The following MACROD2 variants were observed in gnomAD, a reference collection of about 807,000 sequenced individuals.
MACROD2 encodes mono-ADP ribosylhydrolase 2, also known as ADP-ribose glycohydrolase MACROD2.
In MACROD2, 36 loss-of-function variants were observed where a neutral mutation model predicts 70.4. The observed-to-expected ratio is 0.51, with a 90% CI of 0.39 to 0.68. MACROD2 has a LOEUF of 0.68. Ranked by LOEUF, MACROD2 falls within the 30% of genes least tolerant of loss-of-function variation. The probability of loss-of-function intolerance (pLI) is 0.00; values close to 1 mark genes in which losing one functional copy is unlikely to be tolerated. For missense variants in MACROD2, 496 were observed against 538.4 expected, an observed-to-expected ratio of 0.92 and a Z score of 0.78; for synonymous variants, 172 against 178.8, an observed-to-expected ratio of 0.96 and a Z score of 0.30.
chr20:15,936,240 A>G (rs956948581), intron 11 of MACROD2, among the ~76,000 whole-genome samples: 2 of 145,342 alleles, frequency 1.4e-5, no homozygotes, highest in Admixed American at 1.4e-4. Flanking sequence ...GAGTCCATGT[A>G]GTATATATAT....
Position 15,881,847 on chromosome 20 carries a change from T to A in MACROD2, c.728-3917T>A, listed in dbSNP as rs538070937. ...TACCCAGAAATGAACAAGAACATCT[T>A]GTGAGGTTAGAAGCAAGATGGAGTC... On this transcript the variant is annotated intron_variant, in intron 9 of 17. Coordinates refer to ENST00000684519, the MANE Select transcript of MACROD2 (RefSeq NM_001351661.2). Among the ~76,000 whole-genome samples the A allele has an allele frequency of 2.0e-5, 3 of 152,232 alleles. No homozygotes were observed. The East Asian group carries it at 5.8e-4, about 29-fold the overall frequency.
At chr20:14,111,298 C>T (rs757292589) in intron 3 of MACROD2, among the ~76,000 whole-genome samples, 3 of 151,930 alleles carry the variant, frequency 2.0e-5, no homozygotes, top group Non-Finnish European at 4.4e-5. Context: ...GGATATTGGT[C>T]TGGGCAAAAT....
intron 3 of MACROD2, among the ~76,000 whole-genome samples, chr20:14,453,352 T>A (rs888246934): frequency 2.0e-5 from 3 of 152,134 alleles, no homozygotes; most frequent in Admixed American, 1.3e-4. Flanking sequence ...TGCTGTCATT[T>A]CCTAATAACC....
chr20:15,527,039 G>A (rs1308012007), intron 8 of MACROD2, among the ~76,000 whole-genome samples: 1 of 152,144 alleles, frequency 6.6e-6, no homozygotes, highest in Non-Finnish European at 1.5e-5. Context: ...AAAATATTAT[G>A]TAAAATAAAA....
chr20:15,908,950 T>C (rs951210726), intron 10 of MACROD2, among the ~76,000 whole-genome samples: 6 of 152,236 alleles, frequency 3.9e-5, no homozygotes, highest in African/African-American at 1.4e-4. Flanking sequence ...TTCCAGGTAC[T>C]AGGGATGTAT....
chr20:15,301,950 C>A (rs2080911330), intron 6 of MACROD2, among the ~76,000 whole-genome samples: 1 of 152,100 alleles, frequency 6.6e-6, no homozygotes, highest in African/African-American at 2.4e-5. Flanking sequence ...AACAACCCAC[C>A]AGTATAAAAC....
At chr20:14,366,371 CT>C (rs57269509) in intron 3 of MACROD2, among the ~76,000 whole-genome samples, 37 of 137,824 alleles carry the variant, frequency 2.7e-4, no homozygotes, top group Admixed American at 4.4e-4. Context: ...TAACTTGTAA[CT>C]TTTTTTTTTT....
chr20:15,344,341 G>A (rs554789449), intron 6 of MACROD2, among the ~76,000 whole-genome samples: 84 of 152,264 alleles, frequency 5.5e-4, no homozygotes, highest in African/African-American at 2.0e-3. Context: ...AGCACAGTGG[G>A]ATGGAGAAGG....
chr20:15,195,384 A>G (rs2145920082), intron 5 of MACROD2, among the ~76,000 whole-genome samples: 1 of 152,362 alleles, frequency 6.6e-6, no homozygotes, highest in Admixed American at 6.5e-5. Flanking sequence ...AAACAAATTT[A>G]CAGGAAATAA....
intron 2 of MACROD2, among the ~76,000 whole-genome samples, chr20:14,071,624 G>A (rs996124906): frequency 2.0e-5 from 3 of 152,016 alleles, no homozygotes; most frequent in East Asian, 3.9e-4. Flanking sequence ...GCCTCATATC[G>A]TTAGTGAATT....
intron 12 of MACROD2, among the ~76,000 whole-genome samples, chr20:15,947,703 T>A (rs146874196): frequency 2.7e-4 from 41 of 152,294 alleles, no homozygotes; most frequent in Middle Eastern, 3.4e-3. Flanking sequence ...TCATATTTGT[T>A]TAATCAAAAG....
chr20:14,829,017 G>A (rs554677742), intron 5 of MACROD2, among the ~76,000 whole-genome samples: 1 of 146,868 alleles, frequency 6.8e-6, no homozygotes, highest in East Asian at 2.0e-4. Flanking sequence ...AGTTTGCTGT[G>A]CCTATCAAGC....
chr20:15,681,406 A>T (rs1171584919), intron 8 of MACROD2, among the ~76,000 whole-genome samples: 1 of 152,078 alleles, frequency 6.6e-6, no homozygotes, highest in Non-Finnish European at 1.5e-5. Flanking sequence ...AGAAAAGATC[A>T]CCCCCATCCT....
intron 8 of MACROD2, among the ~76,000 whole-genome samples, chr20:15,519,282 T>G (rs992564163): frequency 2.0e-5 from 3 of 151,998 alleles, no homozygotes; most frequent in Non-Finnish European, 4.4e-5. Context: ...GGCTAATTTT[T>G]TTTGTTTGTT....
Position 13,995,850 on chromosome 20 carries a change from GTTA to G in MACROD2, c.46+42_46+44del, listed in dbSNP as rs1601089144. The G allele has an allele frequency of 2.6e-4, 133 of 504,690 alleles. No individual in the cohort carries two copies. Among genetic ancestry groups the G allele is most frequent in the Non-Finnish European group, 4.5e-4 (121 of 266,012 alleles). The allele number at this position is 504,690 out of a possible 1,614,324, so 31.3% of individuals were successfully genotyped here. On this transcript the variant is annotated intron_variant, in intron 1 of 17. Transcript: ENST00000684519. This position sits in a 1 kb window ranked among gnomAD's most constrained non-coding sequence, Gnocchi z 4.3. The stretch of plus-strand genomic sequence containing the variant: ...AGTCCTGGGGGTGCGGGCGGTGGGG[GTTA>G]GGGTGGGGGCGGGGGTCAGGCTGTG...
chr20:15,860,418 C>T (rs922942368), intron 8 of MACROD2, among the ~76,000 whole-genome samples: 3 of 151,958 alleles, frequency 2.0e-5, no homozygotes, highest in East Asian at 1.9e-4. Context: ...ATTCTGATCA[C>T]GTAAAGCCTG....
intron 4 of MACROD2, among the ~76,000 whole-genome samples, chr20:14,545,045 G>C (rs142960655): frequency 1.3e-5 from 2 of 152,162 alleles, no homozygotes; most frequent in Non-Finnish European, 2.9e-5. Context: ...AGATGATGAT[G>C]ATGACGATGA....
At chr20:14,884,128 C>T (rs1189546533) in intron 5 of MACROD2, 2 of 152,192 alleles carry the variant, frequency 1.3e-5, no homozygotes, top group Non-Finnish European at 2.9e-5. Context: ...AATAATTAGG[C>T]AACCACAACT....
At chr20:15,304,299 G>T (rs1391641503) in intron 6 of MACROD2, among the ~76,000 whole-genome samples, 3 of 152,134 alleles carry the variant, frequency 2.0e-5, no homozygotes, top group Admixed American at 1.3e-4. Context: ...GTGGCCATGG[G>T]ACTGGTCCAT....
Sources: gnomAD v4.1 joint callset for allele counts (sites outside exome capture counted in the v4.1 genomes callset) on GRCh38, gnomAD v4.1.1 for gene constraint, Gnocchi (gnomAD v3.1) non-coding constraint, MANE v1.5 for transcripts, NCBI Gene and HGNC (gene_info 2026-07-23, HGNC 2026-07-21) for gene names.